CSMD3: variants seen among roughly 807,000 people sequenced by gnomAD.
CSMD3 encodes CUB and Sushi multiple domains 3.
Under a neutral mutation model 435.2 loss-of-function variants are expected in CSMD3, and 177 were observed. The observed-to-expected ratio is 0.41, with a 90% CI of 0.36 to 0.46. CSMD3 has a LOEUF of 0.46. CSMD3 is among the 20% of genes least tolerant of loss of function. CSMD3 has a pLI of 0.34. For missense variants in CSMD3, 4,265 were observed against 4,504.6 expected, an observed-to-expected ratio of 0.95 and a Z score of 1.52; for synonymous variants, 1,656 against 1,520.5, an observed-to-expected ratio of 1.09 and a Z score of -2.07.
At chr8:112,241,166 A>G (rs1308545890) in intron 66 of CSMD3, among the ~76,000 whole-genome samples, 1 of 152,020 alleles carries the variant, frequency 6.6e-6, no homozygotes, top group Non-Finnish European at 1.5e-5. Flanking sequence ...AGAAAAAGAT[A>G]TGGAGATTCA....
intron 13 of CSMD3, among the ~76,000 whole-genome samples, chr8:112,792,342 G>A (rs1482914154): frequency 1.3e-5 from 2 of 152,156 alleles, no homozygotes; most frequent in Admixed American, 6.5e-5. Flanking sequence ...GGGTTCTGGT[G>A]AGGGCTCTTT....
At chr8:113,370,811 A>G (rs1042290984) in intron 1 of CSMD3, among the ~76,000 whole-genome samples, 2 of 152,006 alleles carry the variant, frequency 1.3e-5, no homozygotes, top group Admixed American at 1.3e-4. Flanking sequence ...AATTCTCCAT[A>G]AAGTTTATAT....
intron 16 of CSMD3, among the ~76,000 whole-genome samples, chr8:112,678,297 A>AT (rs1251530472): frequency 2.0e-5 from 3 of 152,166 alleles, no homozygotes; most frequent in African/African-American, 7.2e-5. Context: ...AGTTGAGTTG[A>AT]GTAAAAATTT....
At chr8:112,886,887 T>A (rs2081614151) in intron 10 of CSMD3, among the ~76,000 whole-genome samples, 1 of 151,734 alleles carries the variant, frequency 6.6e-6, no homozygotes, top group Non-Finnish European at 1.5e-5. Flanking sequence ...TCTTGGTTTT[T>A]AAATATGTAT....
intron 1 of CSMD3, among the ~76,000 whole-genome samples, chr8:113,347,558 G>C (rs921158017): frequency 1.3e-5 from 2 of 152,118 alleles, no homozygotes; most frequent in African/African-American, 2.4e-5. Context: ...GCAAGAGTGG[G>C]AGCGACAGCT....
chr8:112,244,975 T>C (rs937599030), intron 64 of CSMD3, among the ~76,000 whole-genome samples: 1 of 151,948 alleles, frequency 6.6e-6, no homozygotes, highest in Admixed American at 6.6e-5. Context: ...TCAGGTTTTC[T>C]ATATGAGTTT....
intron 61 of CSMD3, 127 bp downstream of exon 61, chr8:112,263,512 T>C (rs1816635802): frequency 1.3e-6 from 1 of 741,036 alleles, no homozygotes; most frequent in South Asian, 1.5e-5. Context: ...GAAAAGTAGC[T>C]ACATTGGTAA....
chr8:113,099,830 T>A (rs146424799), intron 4 of CSMD3, among the ~76,000 whole-genome samples: 1 of 152,220 alleles, frequency 6.6e-6, no homozygotes, highest in East Asian at 1.9e-4. Context: ...TGCCTTACTA[T>A]AACATTGTTT....
In CSMD3 at chr8:112,921,754, A is replaced by G. The variant is rs1393597327; in HGVS notation, c.1509-3T>C. 3.1e-6 allele frequency: 5 copies of G among 1,603,588 alleles called. No homozygotes were observed. The highest frequency in any genetic ancestry group is 4.3e-6 in the Non-Finnish European group (5 of 1,170,878). On this transcript the variant is annotated splice_region_variant and splice_polypyrimidine_tract_variant and intron_variant, in intron 9 of 70. Coordinates refer to ENST00000297405, the MANE Select transcript of CSMD3 (RefSeq NM_198123.2). The stretch of plus-strand genomic sequence containing the variant: ...AGAACTGCACAGTTGATCCAAGGCT[A>G]AAGTTAAATAAAAGAGAAAAAATAT...
At chr8:112,239,926 A>C (rs567235376) in intron 66 of CSMD3, among the ~76,000 whole-genome samples, 5 of 152,110 alleles carry the variant, frequency 3.3e-5, no homozygotes, top group African/African-American at 9.6e-5. Context: ...TACAGTCTTA[A>C]TATTCTCTTA....
intron 22 of CSMD3, among the ~76,000 whole-genome samples, chr8:112,624,341 C>G (rs531262406): frequency 1.3e-5 from 2 of 152,092 alleles, no homozygotes; most frequent in South Asian, 4.1e-4. Flanking sequence ...TATTTTTAGT[C>G]TATTTTAGTC....
At chr8:112,642,709 C>T (rs1352358919) in intron 20 of CSMD3, among the ~76,000 whole-genome samples, 2 of 142,412 alleles carry the variant, frequency 1.4e-5, no homozygotes, top group Admixed American at 7.0e-5. Flanking sequence ...CATATAAAAG[C>T]TTGCACTGAA....
intron 59 of CSMD3, among the ~76,000 whole-genome samples, chr8:112,270,189 A>G (rs1817335667): frequency 6.6e-6 from 1 of 152,204 alleles, no homozygotes; most frequent in Non-Finnish European, 1.5e-5. Flanking sequence ...CATCTCTACT[A>G]TGGCCAAGCA....
At chr8:112,643,286 G>T (rs1013763540) in intron 20 of CSMD3, among the ~76,000 whole-genome samples, 3 of 152,078 alleles carry the variant, frequency 2.0e-5, no homozygotes, top group Non-Finnish European at 4.4e-5. Context: ...CTTATCAACA[G>T]AAATACCCAT....
At chr8:112,367,877 A>C (rs1827935999) in intron 38 of CSMD3, among the ~76,000 whole-genome samples, 1 of 152,198 alleles carries the variant, frequency 6.6e-6, no homozygotes, top group Non-Finnish European at 1.5e-5. Context: ...ATGTGGGTTT[A>C]TCTCATCAGC....
intron 27 of CSMD3, among the ~76,000 whole-genome samples, chr8:112,545,481 T>C (rs1288528629): frequency 1.5e-4 from 1 of 6,618 alleles, no homozygotes; most frequent in Non-Finnish European, 2.8e-4. Context: ...AGACTCCATC[T>C]CAAAAAAAAA....
Position 112,348,298 on chromosome 8 carries a change from T to C in CSMD3, c.6326-2085A>G, listed in dbSNP as rs563865490. ...CTTTTTGTTAGGGACAACCATACCT[T>C]AGTCTTCCAAAATAAAATCAACTTC... On this transcript the variant is annotated intron_variant, in intron 40 of 70. Coordinates refer to ENST00000297405, the MANE Select transcript of CSMD3 (RefSeq NM_198123.2). Among the ~76,000 whole-genome samples, 10 of 152,324 alleles carry C rather than the reference T, an allele frequency of 6.6e-5. No homozygotes were observed. In the East Asian group the frequency reaches 1.9e-3, roughly 29 times the overall value.
At chr8:112,894,047 A>AAACC (rs1312842233) in intron 10 of CSMD3, among the ~76,000 whole-genome samples, 3 of 151,536 alleles carry the variant, frequency 2.0e-5, no homozygotes, top group African/African-American at 7.3e-5. Flanking sequence ...TAAATCCTAA[A>AAACC]AACCAAACAA....
intron 50 of CSMD3, among the ~76,000 whole-genome samples, chr8:112,308,121 T>C (rs935569639): frequency 1.3e-5 from 2 of 152,116 alleles, no homozygotes; most frequent in Non-Finnish European, 2.9e-5. Flanking sequence ...ATATGCAATC[T>C]CACATAATTA....
Sources: allele counts gnomAD v4.1 joint callset (sites outside exome capture counted in the v4.1 genomes callset), GRCh38; gene constraint gnomAD v4.1.1; transcripts MANE v1.5; gene names NCBI Gene and HGNC (gene_info 2026-07-23, HGNC 2026-07-21).